Variants in LDB2 observed in about 807,000 individuals in gnomAD.
LDB2 encodes LIM domain-binding protein 2.
A neutral mutation model predicts 44.3 loss-of-function variants in LDB2; 12 were observed. The ratio of observed to expected loss-of-function variants is 0.27; its 90% confidence interval spans 0.17 to 0.44. The LOEUF (loss-of-function observed/expected upper bound fraction) is 0.44. Ranked by LOEUF, LDB2 falls within the 20% of genes least tolerant of loss-of-function variation. The pLI, the probability that LDB2 is intolerant of heterozygous loss-of-function variation, is 1.00. For missense variants in LDB2, 344 were observed against 473.5 expected (o/e 0.73, Z 2.54); for synonymous variants, 164 against 174.8 (o/e 0.94, Z 0.49).
chr4:16,738,496 A>AT (rs34314372), intron 2 of LDB2, among the ~76,000 whole-genome samples: 1 of 152,376 alleles, frequency 6.6e-6, no homozygotes, highest in East Asian at 1.9e-4. Context: ...GGCCAACCAC[A>AT]GACTAAAAGC....
At chr4:16,517,628 G>A (rs1211641247) in intron 5 of LDB2, among the ~76,000 whole-genome samples, 1 of 152,202 alleles carries the variant, frequency 6.6e-6, no homozygotes, top group East Asian at 1.9e-4. Context: ...GAAGGGATCA[G>A]CAAGGCCCGA....
chr4:16,776,646 T>C (rs1371529664), intron 1 of LDB2, among the ~76,000 whole-genome samples: 2 of 152,142 alleles, frequency 1.3e-5, no homozygotes, highest in Non-Finnish European at 2.9e-5. Context: ...AAGACACAAA[T>C]CCACGTCCTT....
chr4:16,743,987 A>G (rs1032075136), intron 2 of LDB2, among the ~76,000 whole-genome samples: 2 of 152,240 alleles, frequency 1.3e-5, no homozygotes, highest in Non-Finnish European at 2.9e-5. Context: ...AAGGCAGTTA[A>G]TGACACTTCC....
intron 1 of LDB2, among the ~76,000 whole-genome samples, chr4:16,791,662 T>A (rs142140226): frequency 0.01 from 1,575 of 151,554 alleles, 28 homozygotes; most frequent in African/African-American, 0.035. Flanking sequence ...TTTGACAACA[T>A]CCAGATCAGA....
chr4:16,701,647 A>G (rs918981463), intron 2 of LDB2, among the ~76,000 whole-genome samples: 3 of 152,194 alleles, frequency 2.0e-5, no homozygotes, highest in African/African-American at 4.8e-5. Flanking sequence ...AAAAGAAGCA[A>G]AGCAAGGGGT....
intron 2 of LDB2, among the ~76,000 whole-genome samples, chr4:16,718,936 A>G (rs1302636461): frequency 6.6e-6 from 1 of 152,126 alleles, no homozygotes; most frequent in Non-Finnish European, 1.5e-5. Flanking sequence ...CATTTTACAG[A>G]GATTAAACTT....
intron 2 of LDB2, among the ~76,000 whole-genome samples, chr4:16,625,865 C>T (rs1015781838): frequency 6.6e-6 from 1 of 152,152 alleles, no homozygotes; most frequent in African/African-American, 2.4e-5. Context: ...CATAAAACCA[C>T]TGGTCCCCGC....
Position 16,883,892 on chromosome 4 carries a change from G to C in LDB2, c.132+14462C>G, listed in dbSNP as rs572919245. ...CAAGTTACATCACCTTGGCTTACGG[G>C]AACTTTGCATCTTTAAAAAAAAAAA... On this transcript the variant is annotated intron_variant, in intron 1 of 7. Transcript: ENST00000304523. 2.6e-5 allele frequency among the ~76,000 whole-genome samples: 4 copies of C among 152,008 alleles called. No individual in the cohort carries two copies. The South Asian group carries it at 8.3e-4, about 32-fold the overall frequency.
intron 2 of LDB2, among the ~76,000 whole-genome samples, chr4:16,745,827 A>G (rs1181891802): frequency 6.6e-6 from 1 of 151,968 alleles, no homozygotes; most frequent in African/African-American, 2.4e-5. Context: ...AGTGTCCAGG[A>G]TCCAGAGTAA....
At position 16,557,678 on chromosome 4, in the gene LDB2, T is replaced by A. The variant is rs564251470; in HGVS notation, c.615+28244A>T. Among the ~76,000 whole-genome samples the A allele has an allele frequency of 8.7e-4, 132 of 152,250 alleles. 1 individual carries two copies. Among genetic ancestry groups the A allele is most frequent in the African/African-American group, 3.0e-3 (126 of 41,558 alleles). The stretch of plus-strand genomic sequence containing the variant: ...AAGACAGCAGTAACCTCTGCAGACT[T>A]AAATGTCCCTGTCTCACAGCTTTGA... On this transcript the variant is annotated intron_variant, in intron 5 of 7. Coordinates refer to ENST00000304523, the MANE Select transcript of LDB2 (RefSeq NM_001290.5).
chr4:16,788,755 C>T (rs978425669), intron 1 of LDB2, among the ~76,000 whole-genome samples: 8 of 152,302 alleles, frequency 5.3e-5, no homozygotes, highest in East Asian at 1.9e-4. Flanking sequence ...AACTGCCTTG[C>T]GTCGAATGAC....
intron 2 of LDB2, among the ~76,000 whole-genome samples, chr4:16,728,109 G>T (rs1278868832): frequency 6.6e-6 from 1 of 152,126 alleles, no homozygotes; most frequent in East Asian, 1.9e-4. Context: ...ATAAAAGTGA[G>T]GATGCTTAAA....
chr4:16,634,982 T>C (rs1453902870), intron 2 of LDB2, among the ~76,000 whole-genome samples: 1 of 152,130 alleles, frequency 6.6e-6, no homozygotes, highest in Non-Finnish European at 1.5e-5. Context: ...TGAGTTCTTG[T>C]CCTTTGCAGG....
chr4:16,530,629 A>G (rs1729822289), intron 5 of LDB2, among the ~76,000 whole-genome samples: 1 of 152,184 alleles, frequency 6.6e-6, no homozygotes, highest in South Asian at 2.1e-4. Flanking sequence ...GGGTTAACAT[A>G]TACCTCCCTT....
intron 1 of LDB2, among the ~76,000 whole-genome samples, chr4:16,853,714 G>A (rs2110202991): frequency 6.6e-6 from 1 of 152,230 alleles, no homozygotes; most frequent in East Asian, 1.9e-4. Flanking sequence ...TAGTCAAGAT[G>A]TGGGCACAAC....
chr4:16,681,724 C>T (rs895419641), intron 2 of LDB2, among the ~76,000 whole-genome samples: 44 of 146,602 alleles, frequency 3.0e-4, no homozygotes, highest in Admixed American at 2.7e-3. Flanking sequence ...ACTCCCGCCA[C>T]GAGGCCTGGC....
intron 5 of LDB2, among the ~76,000 whole-genome samples, chr4:16,549,392 G>A (rs978781283): frequency 1.1e-4 from 17 of 152,154 alleles, no homozygotes; most frequent in African/African-American, 3.6e-4. Flanking sequence ...TAGGAAAATA[G>A]GAAGAGACTC....
intron 2 of LDB2, among the ~76,000 whole-genome samples, chr4:16,706,970 C>T (rs1177978664): frequency 6.6e-6 from 1 of 152,154 alleles, no homozygotes; most frequent in African/African-American, 2.4e-5. Flanking sequence ...ACATCCCGAT[C>T]TCTCCAGGCA....
chr4:16,769,419 C>G (rs895210379), intron 1 of LDB2, among the ~76,000 whole-genome samples: 3 of 151,932 alleles, frequency 2.0e-5, no homozygotes, highest in African/African-American at 7.3e-5. Flanking sequence ...GCCTCAGGCT[C>G]CCGAGTAGCT....
Sources: gnomAD v4.1 joint callset for allele counts (sites outside exome capture counted in the v4.1 genomes callset) on GRCh38, gnomAD v4.1.1 for gene constraint, MANE v1.5 for transcripts, NCBI Gene and HGNC (gene_info 2026-07-23, HGNC 2026-07-21) for gene names.